The following DACH1 variants were observed in gnomAD, a reference collection of about 807,000 sequenced individuals.
The protein encoded by DACH1 is dachshund family transcription factor 1.
Under a neutral mutation model 54.2 loss-of-function variants are expected in DACH1, and 12 were observed. The observed-to-expected ratio is 0.22, with a 90% CI of 0.14 to 0.36. DACH1 has a LOEUF of 0.36. Among genes scored for constraint, DACH1 ranks in the 10% least tolerant of loss-of-function variants. The pLI is 1.00. For missense variants in DACH1, 805 were observed against 929.8 expected (o/e 0.87, Z 1.75); for synonymous variants, 386 against 366.2 (o/e 1.05, Z -0.62).
At chr13:71,784,774 C>T (rs937974912) in intron 1 of DACH1, among the ~76,000 whole-genome samples, 2 of 152,068 alleles carry the variant, frequency 1.3e-5, no homozygotes, top group Non-Finnish European at 2.9e-5. Flanking sequence ...ATTTCTTGAC[C>T]TATTTTAAAA....
chr13:71,610,049 A>G (rs1329336667), intron 3 of DACH1, among the ~76,000 whole-genome samples: 1 of 152,130 alleles, frequency 6.6e-6, no homozygotes, highest in Non-Finnish European at 1.5e-5. Context: ...CAGTTCATTA[A>G]GATAAGATAC....
intron 1 of DACH1, among the ~76,000 whole-genome samples, chr13:71,811,323 TTAAAAA>T (rs902556158): frequency 7.2e-5 from 11 of 152,246 alleles, no homozygotes; most frequent in African/African-American, 2.4e-4. Context: ...AAGTAGTTAT[TTAAAAA>T]TATAAAATGT....
intron 6 of DACH1, among the ~76,000 whole-genome samples, chr13:71,552,882 A>AGAGAGAGAGAG (rs1883972039): frequency 1.4e-5 from 1 of 71,796 alleles, no homozygotes. Flanking sequence ...GAGAGAGAGA[A>AGAGAGAGAGAG]AGAGACAGAA....
intron 1 of DACH1, among the ~76,000 whole-genome samples, chr13:71,831,163 A>C (rs979694356): frequency 1.3e-5 from 2 of 151,882 alleles, no homozygotes. Context: ...TGCTATTTTA[A>C]AATGTCATCA....
At chr13:71,753,610 G>A (rs1885015659) in intron 1 of DACH1, among the ~76,000 whole-genome samples, 1 of 152,150 alleles carries the variant, frequency 6.6e-6, no homozygotes, top group Non-Finnish European at 1.5e-5. Flanking sequence ...CACTGTTCCA[G>A]TAATAGTATG....
intron 2 of DACH1, chr13:71,675,503 T>G: frequency 3.7e-6 from 5 of 1,346,984 alleles, no homozygotes; most frequent in Non-Finnish European, 4.9e-6. Context: ...AACATTTCAT[T>G]CTCAAAAAAA....
chr13:71,838,653 G>A (rs1242070348), intron 1 of DACH1, among the ~76,000 whole-genome samples: 1 of 152,162 alleles, frequency 6.6e-6, no homozygotes, highest in Non-Finnish European at 1.5e-5. Context: ...AGCAATTTTA[G>A]TTTGTTAGTT....
intron 1 of DACH1, among the ~76,000 whole-genome samples, chr13:71,746,958 A>C (rs960148696): frequency 6.6e-6 from 1 of 152,172 alleles, no homozygotes; most frequent in Non-Finnish European, 1.5e-5. Context: ...ACATATGTAT[A>C]TGTATTAACA....
chr13:71,859,550 T>C (rs1215652791), intron 1 of DACH1, among the ~76,000 whole-genome samples: 1 of 151,862 alleles, frequency 6.6e-6, no homozygotes, highest in Non-Finnish European at 1.5e-5. Flanking sequence ...ATTCTTTTCA[T>C]TGTCATTTGT....
intron 3 of DACH1, among the ~76,000 whole-genome samples, chr13:71,607,356 C>G (rs1874952043): frequency 6.6e-6 from 1 of 151,916 alleles, no homozygotes; most frequent in Admixed American, 6.6e-5. Flanking sequence ...ACCTTATATG[C>G]TATGATCTCA....
chr13:71,583,369 A>T (rs1192911318), intron 3 of DACH1, among the ~76,000 whole-genome samples: 1 of 152,214 alleles, frequency 6.6e-6, no homozygotes, highest in Non-Finnish European at 1.5e-5. Context: ...TTGGTAAAAA[A>T]TAAATAATGA....
intron 2 of DACH1, among the ~76,000 whole-genome samples, chr13:71,670,931 A>C (rs998404629): frequency 6.6e-6 from 1 of 152,028 alleles, no homozygotes; most frequent in Admixed American, 6.5e-5. Context: ...TTTAAAAACC[A>C]TGTGCCTGAA....
intron 1 of DACH1, among the ~76,000 whole-genome samples, chr13:71,750,613 A>C (rs910088292): frequency 6.6e-6 from 1 of 152,236 alleles, no homozygotes; most frequent in African/African-American, 2.4e-5. Context: ...CTAGGAAATG[A>C]AAGTGTTGTT....
chr13:71,596,104 A>ATTT (rs112792537), intron 3 of DACH1, among the ~76,000 whole-genome samples: 10 of 149,756 alleles, frequency 6.7e-5, no homozygotes, highest in Non-Finnish European at 1.0e-4. Flanking sequence ...ACATATATGT[A>ATTT]TTTTTTTTTT....
intron 1 of DACH1, among the ~76,000 whole-genome samples, chr13:71,820,911 C>T (rs1888159537): frequency 1.3e-5 from 2 of 152,060 alleles, no homozygotes; most frequent in African/African-American, 2.4e-5. Flanking sequence ...CCTCATCACA[C>T]CCTCAATCAT....
At chr13:71,762,513 G>A (rs553506081) in intron 1 of DACH1, among the ~76,000 whole-genome samples, 1 of 151,758 alleles carries the variant, frequency 6.6e-6, no homozygotes, top group Non-Finnish European at 1.5e-5. Context: ...AGGCCGAGGC[G>A]AGCAGCACTT....
At chr13:71,534,520 A>C (rs1487503016) in intron 6 of DACH1, among the ~76,000 whole-genome samples, 1 of 151,918 alleles carries the variant, frequency 6.6e-6, no homozygotes, top group African/African-American at 2.4e-5. Flanking sequence ...TAAGCAAAAC[A>C]TCAACACCAG....
intron 6 of DACH1, among the ~76,000 whole-genome samples, chr13:71,502,689 G>A (rs1001573069): frequency 6.6e-6 from 1 of 152,156 alleles, no homozygotes; most frequent in Non-Finnish European, 1.5e-5. Context: ...TTCTGCATTT[G>A]TCCCAATTTA....
intron 6 of DACH1, among the ~76,000 whole-genome samples, chr13:71,500,300 G>A (rs1360271211): frequency 6.6e-6 from 1 of 152,132 alleles, no homozygotes; most frequent in Admixed American, 6.5e-5. Context: ...AAGCAAAAAT[G>A]AAGAGAAATG....
Sources: allele counts gnomAD v4.1 joint callset (sites outside exome capture counted in the v4.1 genomes callset), GRCh38; gene constraint gnomAD v4.1.1; transcripts MANE v1.5; gene names NCBI Gene and HGNC (gene_info 2026-07-23, HGNC 2026-07-21).